IGF1R: variants seen among roughly 807,000 people sequenced by gnomAD.
The protein encoded by IGF1R is insulin like growth factor 1 receptor.
A neutral mutation model predicts 144.6 loss-of-function variants in IGF1R; 44 were observed. The ratio of observed to expected loss-of-function variants is 0.30; its 90% confidence interval spans 0.24 to 0.39. The LOEUF is 0.39. Among genes scored for constraint, IGF1R ranks in the 10% least tolerant of loss-of-function variants. The pLI is 1.00. For missense variants in IGF1R, 1,355 were observed against 1,833.7 expected, an observed-to-expected ratio of 0.74 and a Z score of 4.77; for synonymous variants, 795 against 722.8, an observed-to-expected ratio of 1.10 and a Z score of -1.60.
intron 2 of IGF1R, among the ~76,000 whole-genome samples, chr15:98,867,584 T>G (rs1178129441): frequency 6.6e-6 from 1 of 152,184 alleles, no homozygotes; most frequent in African/African-American, 2.4e-5. Context: ...ACGTGAATCC[T>G]TACCTCTAAT....
chr15:98,687,632 G>T (rs1164700240), intron 1 of IGF1R, among the ~76,000 whole-genome samples: 2 of 152,178 alleles, frequency 1.3e-5, no homozygotes, highest in Non-Finnish European at 2.9e-5. Context: ...GTGCATTATG[G>T]AGGGCTAGAC....
In IGF1R at chr15:98,942,222, C is replaced by G. The variant is rs45488898; in HGVS notation, c.3458-701C>G. Among the ~76,000 whole-genome samples the G allele has an allele frequency of 3.9e-5, 6 of 152,286 alleles. No homozygotes were observed. The East Asian group carries it at 9.6e-4, about 24-fold the overall frequency. On this transcript the variant is annotated intron_variant, in intron 18 of 20. Transcript: ENST00000650285. ...CTACCAAGTTAAGTAAGCATCTGTA[C>G]TCTCCTGTTTATTTGGTCAGGTTTT...
At chr15:98,815,848 C>T (rs2056685776) in intron 2 of IGF1R, among the ~76,000 whole-genome samples, 1 of 152,198 alleles carries the variant, frequency 6.6e-6, no homozygotes, top group African/African-American at 2.4e-5. Context: ...CTTCTTCTTT[C>T]TGATGCTTTC....
In IGF1R at chr15:98,963,940, C is replaced by T. The variant is rs977249759; in HGVS notation, c.*6498C>T. 8.6e-6 allele frequency: 2 copies of T among 233,208 alleles called. No individual in the cohort carries two copies. The highest frequency in any genetic ancestry group is 1.7e-5 in the Non-Finnish European group (2 of 117,940). The allele number at this position is 233,208 out of a possible 1,614,324, so 14.4% of individuals were successfully genotyped here. A position where few individuals can be genotyped will look rare whatever the true frequency, so the allele number is the denominator to read the frequency against. ...GGAAACACCTGGGGTTTTTGCGCTACATAGGAGAAAGATCTGGAAACTATT... is the reference window on the plus strand; with the variant it reads ...GGAAACACCTGGGGTTTTTGCGCTATATAGGAGAAAGATCTGGAAACTATT... On this transcript the variant is annotated 3_prime_UTR_variant, in exon 21 of 21. Transcript: ENST00000650285.
chr15:98,925,065 A>T (rs1261142334), intron 13 of IGF1R, among the ~76,000 whole-genome samples: 1 of 152,068 alleles, frequency 6.6e-6, no homozygotes, highest in South Asian at 2.1e-4. Context: ...CTACTTGGTC[A>T]GTAAAGCTAG....
At chr15:98,862,750 T>C (rs1304565031) in intron 2 of IGF1R, among the ~76,000 whole-genome samples, 2 of 152,228 alleles carry the variant, frequency 1.3e-5, no homozygotes, top group Non-Finnish European at 2.9e-5. Context: ...ACTTAGTTGA[T>C]GATCATGCTG....
chr15:98,741,235 C>CTTT (rs540942858), intron 2 of IGF1R, among the ~76,000 whole-genome samples: 13 of 70,326 alleles, frequency 1.8e-4, no homozygotes, highest in African/African-American at 6.3e-4. Flanking sequence ...TTTTCCTGAG[C>CTTT]TTTTTTTTTT....
chr15:98,689,559 G>A (rs935819966), intron 1 of IGF1R, among the ~76,000 whole-genome samples: 2 of 151,862 alleles, frequency 1.3e-5, no homozygotes, highest in Admixed American at 6.6e-5. Context: ...AGATGCCATT[G>A]TTGAGGATCC....
At position 98,896,888 on chromosome 15, in the gene IGF1R, T is replaced by C; in HGVS notation, c.1085T>C (p.Ile362Thr). The change falls in exon 4 of 21, where the codon ATT becomes ACT. Residue 362 changes from isoleucine to threonine, a missense_variant. Ile to Thr is a moderately conservative substitution (Grantham distance 89). Transcript: ENST00000650285. ...ACCATCTTCAAGGGCAATTTGCTCA[T>C]TAACATCCGACGGGGGAGTAAGTAT... ...GCTIFKGNLL[I>T]NIRRGNNIAS... 1 of 1,614,174 alleles carries C rather than the reference T, an allele frequency of 6.2e-7. No individual in the cohort carries two copies. Among genetic ancestry groups the C allele is most frequent in the Non-Finnish European group, 8.5e-7 (1 of 1,180,026 alleles).
chr15:98,921,222 G>T (rs2015471252), intron 10 of IGF1R, among the ~76,000 whole-genome samples: 1 of 152,088 alleles, frequency 6.6e-6, no homozygotes, highest in Admixed American at 6.5e-5. Context: ...CTCGTATTCT[G>T]TTTGTTTTTG....
intron 11 of IGF1R, among the ~76,000 whole-genome samples, chr15:98,923,140 A>G (rs2015561328): frequency 6.6e-6 from 1 of 152,240 alleles, no homozygotes; most frequent in East Asian, 1.9e-4. Context: ...TGGGAGAGAC[A>G]TAGCCAGCTA....
At chr15:98,847,744 C>G (rs1420343927) in intron 2 of IGF1R, among the ~76,000 whole-genome samples, 4 of 152,186 alleles carry the variant, frequency 2.6e-5, no homozygotes, top group Non-Finnish European at 4.4e-5. Flanking sequence ...CCCCCCTTTA[C>G]TTTCCCAAAA....
At chr15:98,697,538 G>T (rs186675982) in intron 1 of IGF1R, among the ~76,000 whole-genome samples, 7 of 151,912 alleles carry the variant, frequency 4.6e-5, no homozygotes, top group Admixed American at 2.6e-4. Context: ...ATCTTTAAAG[G>T]CCTGGCCTGT....
intron 2 of IGF1R, among the ~76,000 whole-genome samples, chr15:98,825,101 A>G (rs2056868535): frequency 6.6e-6 from 1 of 152,066 alleles, no homozygotes; most frequent in Admixed American, 6.5e-5. Context: ...GACCTCCCAA[A>G]GTGCTGGGAT....
chr15:98,707,644 C>T lies in IGF1R; in HGVS notation c.177C>T (p.Leu59=), dbSNP rs1485128448. 1 of 1,614,214 alleles carries T rather than the reference C, an allele frequency of 6.2e-7. No homozygotes were observed. The highest frequency in any genetic ancestry group is 1.7e-5 in the Admixed American group (1 of 60,028). ...ACTGCACGGTGATCGAGGGCTACCT[C>T]CACATCCTGCTCATCTCCAAGGCCG... ...LENCTVIEGY[L]HILLISKAED... Residue 59 remains leucine, a synonymous_variant, in exon 2 of 21, where the codon CTC becomes CTT. Coordinates refer to ENST00000650285, the MANE Select transcript of IGF1R (RefSeq NM_000875.5). This position sits in a 1 kb window ranked among gnomAD's most constrained non-coding sequence, Gnocchi z 6.7.
chr15:98,725,433 G>A (rs2054335502), intron 2 of IGF1R, among the ~76,000 whole-genome samples: 1 of 152,104 alleles, frequency 6.6e-6, no homozygotes, highest in Non-Finnish European at 1.5e-5. Context: ...ACTTTTAGAA[G>A]ATCCCTCCTA....
chr15:98,822,532 C>G (rs1192296000), intron 2 of IGF1R, among the ~76,000 whole-genome samples: 1 of 152,178 alleles, frequency 6.6e-6, no homozygotes, highest in Admixed American at 6.6e-5. Flanking sequence ...GTATTGAGAG[C>G]TGGTATAATT....
At position 98,649,259 on chromosome 15, in the gene IGF1R, C is replaced by T. The variant is rs1157680408; in HGVS notation, c.-323C>T. 3 of 216,090 alleles carry T rather than the reference C, an allele frequency of 1.4e-5. No individual in the cohort carries two copies. Among genetic ancestry groups the T allele is most frequent in the East Asian group, 6.6e-5 (1 of 15,078 alleles). The allele number at this position is 216,090 out of a possible 1,614,324, so 13.4% of individuals were successfully genotyped here. ...CCCCCTTTCTTTGCAGTTTTCCCCCCTTCCTGCCTCTCCGGGTTTGAAAAT... is the reference window on the plus strand; with the variant it reads ...CCCCCTTTCTTTGCAGTTTTCCCCCTTTCCTGCCTCTCCGGGTTTGAAAAT... On this transcript the variant is annotated 5_prime_UTR_variant, in exon 1 of 21. Coordinates refer to ENST00000650285, the MANE Select transcript of IGF1R (RefSeq NM_000875.5).
chr15:98,770,346 C>T (rs892347657), intron 2 of IGF1R, among the ~76,000 whole-genome samples: 1 of 151,934 alleles, frequency 6.6e-6, no homozygotes, highest in Non-Finnish European at 1.5e-5. Flanking sequence ...GGAAAGGGGG[C>T]GATGAAGAGG....
Sources: allele counts gnomAD v4.1 joint callset (sites outside exome capture counted in the v4.1 genomes callset), GRCh38; gene constraint gnomAD v4.1.1; non-coding constraint Gnocchi (gnomAD v3.1); transcripts MANE v1.5; gene names NCBI Gene and HGNC (gene_info 2026-07-23, HGNC 2026-07-21).